Variants in RAB38 observed in about 807,000 individuals in gnomAD.
RAB38 encodes the protein RAB38, member RAS oncogene family.
A neutral mutation model predicts 18.4 loss-of-function variants in RAB38; 15 were observed. That is an observed-to-expected ratio of 0.82 (90% CI 0.55 to 1.26). The LOEUF is 1.26. RAB38 is among the 50% of genes most tolerant of loss of function. The pLI is 0.00. For synonymous variants in RAB38, 101 were observed against 104.4 expected (o/e 0.97, Z 0.20); for missense variants, 294 against 267.4 (o/e 1.10, Z -0.69).
At chr11:88,150,840 G>A (rs2134828680) in intron 1 of RAB38, among the ~76,000 whole-genome samples, 1 of 152,284 alleles carries the variant, frequency 6.6e-6, no homozygotes, top group Middle Eastern at 3.4e-3. Flanking sequence ...CGCAGGCTTA[G>A]ATACCAGGAC....
At chr11:87,959,120 G>GC in the RAB38 span, among the ~76,000 whole-genome samples, 1 of 151,992 alleles carries the variant, frequency 6.6e-6, no homozygotes, top group Non-Finnish European at 1.5e-5. Context: ...CTACCTTCAG[G>GC]CTATGGGCCC....
At chr11:88,027,656 AGCGAGGCTGGGGGAGGGGCGCCC>A in the RAB38 span, among the ~76,000 whole-genome samples, 10,872 of 152,136 alleles carry the variant, frequency 0.071, 614 homozygotes, top group African/African-American at 0.14. Context: ...GCAAGGCGGC[AGCGAGGCTGGGGGAGGGGCGCCC>A]GCCATTGCCC....
the RAB38 span, among the ~76,000 whole-genome samples, chr11:88,029,346 A>C: frequency 0.1 from 15,375 of 151,038 alleles, 1,519 homozygotes; most frequent in East Asian, 0.33. Flanking sequence ...ACCAGCTAAC[A>C]TCAAAATGAC....
At chr11:87,870,131 C>G in the RAB38 span, among the ~76,000 whole-genome samples, 8 of 151,646 alleles carry the variant, frequency 5.3e-5, no homozygotes, top group Non-Finnish European at 1.5e-5. Context: ...TATTATCTAG[C>G]CTTTTAAAGT....
the RAB38 span, among the ~76,000 whole-genome samples, chr11:87,900,326 A>G: frequency 3.3e-5 from 5 of 151,516 alleles, no homozygotes; most frequent in Non-Finnish European, 5.9e-5. Flanking sequence ...TAGTATAGAA[A>G]TCAACAGAGA....
At chr11:87,864,487 T>C in the RAB38 span, among the ~76,000 whole-genome samples, 2,100 of 151,768 alleles carry the variant, frequency 0.014, 20 homozygotes, top group East Asian at 0.039. Flanking sequence ...GCAACTATCT[T>C]GTCAGAAAGC....
chr11:88,014,442 C>A, the RAB38 span, among the ~76,000 whole-genome samples: 23 of 152,148 alleles, frequency 1.5e-4, no homozygotes, highest in Admixed American at 5.9e-4. Flanking sequence ...GTATTATTAT[C>A]CTAATTTAAG....
intron 1 of RAB38, chr11:88,173,882 G>T: frequency 1.0e-6 from 1 of 985,378 alleles, no homozygotes; most frequent in Non-Finnish European, 1.2e-6. Flanking sequence ...AAAGAGGCAC[G>T]AAAGTCCCCA....
the RAB38 span, among the ~76,000 whole-genome samples, chr11:87,954,557 G>A: frequency 5.3e-4 from 81 of 151,928 alleles, 1 homozygote; most frequent in African/African-American, 1.9e-3. Flanking sequence ...CAGCCTTGTT[G>A]AGAAATTTCT....
At chr11:88,005,556 C>T in the RAB38 span, among the ~76,000 whole-genome samples, 2 of 150,662 alleles carry the variant, frequency 1.3e-5, no homozygotes, top group Non-Finnish European at 3.0e-5. Flanking sequence ...TCTCTTTGCT[C>T]TGTTCATTGC....
chr11:88,146,849 A>C (rs1942993445), intron 2 of RAB38, among the ~76,000 whole-genome samples: 1 of 152,198 alleles, frequency 6.6e-6, no homozygotes, highest in Non-Finnish European at 1.5e-5. Flanking sequence ...TGATTATATT[A>C]GCTTGTGAAA....
the RAB38 span, among the ~76,000 whole-genome samples, chr11:87,868,270 T>C: frequency 6.4e-4 from 97 of 151,670 alleles, no homozygotes; most frequent in Middle Eastern, 3.4e-3. Flanking sequence ...AAAATGAGCC[T>C]GGCACCTCTT....
chr11:88,079,351 AAAGT>A, the RAB38 span, among the ~76,000 whole-genome samples: 1 of 151,774 alleles, frequency 6.6e-6, no homozygotes, highest in Non-Finnish European at 1.5e-5. Context: ...TGAATCACAC[AAAGT>A]ATCATAGCTC....
the RAB38 span, chr11:87,816,652 C>G: frequency 1.3e-5 from 2 of 151,868 alleles, no homozygotes; most frequent in African/African-American, 4.8e-5. Flanking sequence ...TCTCCTTTTG[C>G]CACTGTGAAA....
chr11:88,019,783 G>A, the RAB38 span, among the ~76,000 whole-genome samples: 1 of 152,066 alleles, frequency 6.6e-6, no homozygotes, highest in African/African-American at 2.4e-5. Context: ...ACTTCATTCA[G>A]TCTCTGCCCA....
chr11:87,846,058 T>A, the RAB38 span, among the ~76,000 whole-genome samples: 1 of 151,998 alleles, frequency 6.6e-6, no homozygotes, highest in Non-Finnish European at 1.5e-5. Context: ...AAAAGTTAGG[T>A]GTATATATTG....
chr11:88,096,685 T>C, the RAB38 span, among the ~76,000 whole-genome samples: 1 of 151,848 alleles, frequency 6.6e-6, no homozygotes, highest in Non-Finnish European at 1.5e-5. Context: ...GCAGGAATGA[T>C]GGAAGGAAAT....
chr11:88,154,957 G>A (rs924567830), intron 1 of RAB38, among the ~76,000 whole-genome samples: 9 of 152,308 alleles, frequency 5.9e-5, no homozygotes, highest in Admixed American at 3.9e-4. Context: ...CAGAGATTGC[G>A]GTGCAAGGAT....
chr11:88,011,903 G>T, the RAB38 span, among the ~76,000 whole-genome samples: 1 of 152,180 alleles, frequency 6.6e-6, no homozygotes, highest in Non-Finnish European at 1.5e-5. Context: ...TGTCTTTTGA[G>T]TGAGAGATTT....
Sources: allele counts gnomAD v4.1 joint callset (sites outside exome capture counted in the v4.1 genomes callset), GRCh38; gene constraint gnomAD v4.1.1; transcripts MANE v1.5; gene names NCBI Gene and HGNC (gene_info 2026-07-23, HGNC 2026-07-21).